Variants in BBS4 observed in about 807,000 individuals in gnomAD.
BBS4 encodes the protein Bardet-Biedl syndrome 4.
A neutral mutation model predicts 71.4 loss-of-function variants in BBS4; 58 were observed. The ratio of observed to expected loss-of-function variants is 0.81; its 90% confidence interval spans 0.66 to 1.01. BBS4 has a LOEUF of 1.01. Ranked by LOEUF, BBS4 falls within the 50% of genes least tolerant of loss-of-function variation. The probability of loss-of-function intolerance (pLI) is 0.00; values close to 1 mark genes in which losing one functional copy is unlikely to be tolerated. For missense variants in BBS4, 660 were observed against 607.9 expected (o/e 1.09, Z -0.90); for synonymous variants, 228 against 216.8 (o/e 1.05, Z -0.46).
chr15:72,686,413 G>A, intron 1 of BBS4, 162 bp downstream of exon 1: 1 of 1,534,616 alleles, frequency 6.5e-7, no homozygotes, highest in Non-Finnish European at 8.7e-7. Flanking sequence ...CCCGGGAACT[G>A]GTCGCCTGGG....
At chr15:72,725,984 A>C (rs1245546001) in intron 8 of BBS4, among the ~76,000 whole-genome samples, 29 of 67,172 alleles carry the variant, frequency 4.3e-4, no homozygotes, top group East Asian at 1.4e-3. Flanking sequence ...CCCTTTTCCC[A>C]TCTCCCTTCC....
rs1423288906 is a variant in BBS4 at position 72,712,251 on chromosome 15, T to A, written c.164T>A (p.Ile55Asn). 6.2e-7 allele frequency: 1 copy of A among 1,613,894 alleles called. No individual in the cohort carries two copies. Among genetic ancestry groups the A allele is most frequent in the Non-Finnish European group, 8.5e-7 (1 of 1,179,934 alleles). ...RKDYEACKAV[I>N]KEQLQETQGL... ...TTTTTCTCCCTCTTTCAGGCTGTTATCAAAGAACAGCTTCAAGAGACTCAG... is the reference window on the plus strand; with the variant it reads ...TTTTTCTCCCTCTTTCAGGCTGTTAACAAAGAACAGCTTCAAGAGACTCAG... Residue 55 changes from isoleucine (I) to asparagine (N), a missense_variant, in exon 4 of 16, where the codon ATC becomes AAC. Coordinates refer to ENST00000268057, the MANE Select transcript of BBS4 (RefSeq NM_033028.5).
Position 72,735,936 on chromosome 15 carries a change from G to A in BBS4, c.1218G>A (p.Lys406=). 6.2e-7 allele frequency: 1 copy of A among 1,614,084 alleles called. No individual in the cohort carries two copies. Among genetic ancestry groups the A allele is most frequent in the Non-Finnish European group, 8.5e-7 (1 of 1,180,024 alleles). ...QEMEKKVSLL[K]DNSSLEFDSE... Reference sequence around the variant, plus strand: ...TGGAGAAGAAAGTCAGCCTACTCAAGGACAATAGCTCTCTGGAATTTGACT... The same window carrying A: ...TGGAGAAGAAAGTCAGCCTACTCAAAGACAATAGCTCTCTGGAATTTGACT... Residue 406 remains lysine, a synonymous_variant, in exon 14 of 16, where the codon AAG becomes AAA. Coordinates refer to ENST00000268057, the MANE Select transcript of BBS4 (RefSeq NM_033028.5).
chr15:72,729,247 GTTTTT>G (rs141392671), intron 9 of BBS4, among the ~76,000 whole-genome samples: 9 of 84,962 alleles, frequency 1.1e-4, no homozygotes, highest in Non-Finnish European at 1.3e-4. Flanking sequence ...TGGCCAGACT[GTTTTT>G]TTTTTTTTTT....
intron 6 of BBS4, among the ~76,000 whole-genome samples, chr15:72,719,489 C>G (rs1487931965): frequency 6.6e-6 from 1 of 151,898 alleles, no homozygotes; most frequent in Non-Finnish European, 1.5e-5. Context: ...TCAAGTGATC[C>G]TCCTGCTTTA....
rs1331269211 is a variant in BBS4, at chr15:72,727,930, T to C, written c.588-10T>C. 1.9e-6 allele frequency: 3 copies of C among 1,606,690 alleles called. No homozygotes were observed. Among genetic ancestry groups the C allele is most frequent in the Non-Finnish European group, 1.7e-6 (2 of 1,173,364 alleles). ...CATCTTGTTTCCCTCTGAGCATCTC[T>C]ATGTTGCAGGTTCTCACCAGAAAAT... On this transcript the variant is annotated splice_polypyrimidine_tract_variant and intron_variant, in intron 8 of 15. Transcript: ENST00000268057.
At chr15:72,720,736 A>C (rs2065556599) in intron 6 of BBS4, among the ~76,000 whole-genome samples, 1 of 152,222 alleles carries the variant, frequency 6.6e-6, no homozygotes, top group African/African-American at 2.4e-5. Flanking sequence ...CCTGTGATCT[A>C]GGATGATCTA....
At chr15:72,715,937 C>A (rs1417601682) in intron 5 of BBS4, among the ~76,000 whole-genome samples, 3 of 152,106 alleles carry the variant, frequency 2.0e-5, no homozygotes, top group Non-Finnish European at 4.4e-5. Context: ...ATGAGATATT[C>A]AGCATTTTAT....
intron 3 of BBS4, 71 bp downstream of exon 3, chr15:72,709,850 CAG>C (rs1750753365): frequency 3.3e-6 from 4 of 1,208,038 alleles, no homozygotes; most frequent in Middle Eastern, 1.9e-4. Context: ...GCCTGCTAAA[CAG>C]AGTGTGGCAG....
chr15:72,711,461 C>A (rs1206481256), intron 3 of BBS4, among the ~76,000 whole-genome samples: 1 of 152,172 alleles, frequency 6.6e-6, no homozygotes, highest in Non-Finnish European at 1.5e-5. Context: ...CAGTATGAAT[C>A]TTGAAAGGTT....
At chr15:72,716,345 G>T (rs572252058) in intron 5 of BBS4, among the ~76,000 whole-genome samples, 1 of 152,128 alleles carries the variant, frequency 6.6e-6, no homozygotes, top group East Asian at 1.9e-4. Context: ...CATAGAGCTT[G>T]GTTTTCCCTG....
chr15:72,730,169 C>T (rs1466278261), intron 10 of BBS4, among the ~76,000 whole-genome samples: 8 of 151,288 alleles, frequency 5.3e-5, no homozygotes, highest in South Asian at 2.1e-4. Context: ...CCCAGCTCCT[C>T]GGGAGGCTGA....
intron 5 of BBS4, 115 bp from the exon 6 acceptor site, chr15:72,716,661 TAG>T: frequency 1.2e-6 from 1 of 805,070 alleles, no homozygotes; most frequent in South Asian, 1.6e-5. Flanking sequence ...AACCACCTCA[TAG>T]AGAAAAGGCT....
At chr15:72,693,698 G>A (rs1036484051) in intron 1 of BBS4, among the ~76,000 whole-genome samples, 2 of 152,072 alleles carry the variant, frequency 1.3e-5, no homozygotes, top group Non-Finnish European at 2.9e-5. Flanking sequence ...TTCGTAGCTT[G>A]TAGACCAAAT....
intron 2 of BBS4, among the ~76,000 whole-genome samples, chr15:72,704,660 A>C (rs1405573690): frequency 6.6e-6 from 1 of 152,166 alleles, no homozygotes; most frequent in African/African-American, 2.4e-5. Flanking sequence ...CAGGTGGATC[A>C]CTTGAGGTCA....
intron 8 of BBS4, among the ~76,000 whole-genome samples, chr15:72,724,893 CAGGGATCCAGGTTTCTTCCTT>C (rs2065639588): frequency 6.6e-6 from 1 of 152,028 alleles, no homozygotes. Context: ...CAAGGTCAGC[CAGGGATCCAGGTTTCTTCCTT>C]ATTAACTCAC....
At chr15:72,710,195 GTTTTTTTTTTTT>G in intron 3 of BBS4, among the ~76,000 whole-genome samples, 1 of 103,442 alleles carries the variant, frequency 9.7e-6, no homozygotes, top group African/African-American at 3.7e-5. Context: ...ATTTTGTCGA[GTTTTTTTTTTTT>G]TTTTTTTTTT....
chr15:72,729,650 G>A lies in BBS4; in HGVS notation c.677G>A (p.Gly226Asp). 6.2e-7 allele frequency: 1 copy of A among 1,614,010 alleles called. No individual in the cohort carries two copies. The highest frequency in any genetic ancestry group is 1.3e-5 in the African/African-American group (1 of 74,992). The stretch of plus-strand genomic sequence containing the variant: ...TACCAGAAGGCATTTGAACATCTTG[G>A]CAATGCACTGACTTATGACCCTACC... Reference protein sequence around the residue: ...GIYQKAFEHLGNALTYDPTNY... With the variant: ...GIYQKAFEHLDNALTYDPTNY... Residue 226 changes from glycine to aspartate, a missense_variant, in exon 10 of 16, where the codon GGC becomes GAC. Gly to Asp is a moderately conservative substitution (Grantham distance 94). Coordinates refer to ENST00000268057, the MANE Select transcript of BBS4 (RefSeq NM_033028.5).
intron 3 of BBS4, 100 bp downstream of exon 3, chr15:72,709,879 A>G (rs1002281704): frequency 3.0e-6 from 3 of 991,176 alleles, no homozygotes; most frequent in African/African-American, 1.6e-5. Context: ...TCTCAGTGAT[A>G]AAACATGAAT....
Sources: gnomAD v4.1 joint callset for allele counts (sites outside exome capture counted in the v4.1 genomes callset) on GRCh38, gnomAD v4.1.1 for gene constraint, MANE v1.5 for transcripts, NCBI Gene and HGNC (gene_info 2026-07-23, HGNC 2026-07-21) for gene names.